The following PLEKHA6 variants were observed in gnomAD, a reference collection of about 807,000 sequenced individuals.
PLEKHA6 encodes pleckstrin homology domain containing A6, also known as pleckstrin homology domain-containing family A member 6.
A neutral mutation model predicts 116.7 loss-of-function variants in PLEKHA6; 60 were observed. The observed-to-expected ratio is 0.51, with a 90% CI of 0.42 to 0.64. The LOEUF is 0.64. Among genes scored for constraint, PLEKHA6 ranks in the 30% least tolerant of loss-of-function variants. The pLI, the probability that PLEKHA6 is intolerant of heterozygous loss-of-function variation, is 0.00. For synonymous variants in PLEKHA6, 489 were observed against 556.1 expected (o/e 0.88, Z 1.70); for missense variants, 1,338 against 1,422.7 (o/e 0.94, Z 0.96).
intron 1 of PLEKHA6, among the ~76,000 whole-genome samples, chr1:204,377,046 G>A (rs1000205903): frequency 2.0e-5 from 3 of 152,170 alleles, no homozygotes; most frequent in South Asian, 2.1e-4. Flanking sequence ...AGTGGGCATC[G>A]TCCCCCTCCC....
At chr1:204,272,145 A>T (rs1471328440) in intron 3 of PLEKHA6, among the ~76,000 whole-genome samples, 2 of 151,970 alleles carry the variant, frequency 1.3e-5, no homozygotes, top group Non-Finnish European at 2.9e-5. Flanking sequence ...CTCTCAGGAG[A>T]AAACCCTGCC....
intron 1 of PLEKHA6, chr1:204,280,860 T>C (rs1668520780): frequency 4.8e-6 from 1 of 207,000 alleles, no homozygotes; most frequent in African/African-American, 2.3e-5. Flanking sequence ...TGCACCTGAT[T>C]CCTGAAGCTC....
chr1:204,228,826 C>T lies in PLEKHA6; in HGVS notation c.2787G>A (p.Arg929=). The T allele has an allele frequency of 6.2e-7, 1 of 1,614,012 alleles. No homozygotes were observed. The highest frequency in any genetic ancestry group is 8.5e-7 in the Non-Finnish European group (1 of 1,179,964). ...GAGTGTCAGGCTCCAGGTCAATGTA[C>T]CGTTCAGGGATGAGGACTTTGTCTG... The part of the protein sequence containing the change: ...STPDKVLIPE[R]YIDLEPDTPL... Residue 929 remains arginine (R), a synonymous_variant, in exon 20 of 23, where the codon CGG becomes CGA. Transcript: ENST00000272203. This position sits in a 1 kb window ranked among gnomAD's most constrained non-coding sequence, Gnocchi z 4.0.
intron 15 of PLEKHA6, 81 bp from the exon 16 acceptor site, chr1:204,241,895 T>C: frequency 6.8e-7 from 1 of 1,473,416 alleles, no homozygotes; most frequent in Non-Finnish European, 9.5e-7. Flanking sequence ...CTTTGTTTTT[T>C]AATGGTTGAA....
At chr1:204,375,624 A>G (rs1313327957) in intron 1 of PLEKHA6, among the ~76,000 whole-genome samples, 1 of 151,964 alleles carries the variant, frequency 6.6e-6, no homozygotes, top group East Asian at 1.9e-4. Context: ...TCAGCCTCAA[A>G]TCATCGCTCA....
chr1:204,278,120 A>C (rs566184693), intron 1 of PLEKHA6, among the ~76,000 whole-genome samples: 4 of 152,272 alleles, frequency 2.6e-5, no homozygotes, highest in African/African-American at 9.6e-5. Context: ...TCAGCGGCTA[A>C]AGATGGTCAG....
chr1:204,271,805 C>T (rs2102884902), intron 3 of PLEKHA6, among the ~76,000 whole-genome samples: 2 of 152,316 alleles, frequency 1.3e-5, no homozygotes, highest in South Asian at 4.1e-4. Flanking sequence ...GAATCATCTG[C>T]CCCAGATGAT....
chr1:204,234,120 C>T (rs1558029208), intron 17 of PLEKHA6, among the ~76,000 whole-genome samples: 1 of 152,080 alleles, frequency 6.6e-6, no homozygotes, highest in African/African-American at 2.4e-5. Context: ...TGAGATAATC[C>T]TGGATGAGGA....
chr1:204,291,151 A>G (rs367552213), intron 1 of PLEKHA6, among the ~76,000 whole-genome samples: 25 of 152,322 alleles, frequency 1.6e-4, no homozygotes, highest in Middle Eastern at 6.8e-3. Context: ...AGTTATACAC[A>G]TGTCAAATAA....
chr1:204,224,680 A>G (rs1274452052), intron 21 of PLEKHA6, among the ~76,000 whole-genome samples: 3 of 152,258 alleles, frequency 2.0e-5, no homozygotes, highest in South Asian at 4.1e-4. Flanking sequence ...TGGCAAGTCC[A>G]TATCATTACA....
At chr1:204,283,908 C>T (rs1207765393) in intron 1 of PLEKHA6, among the ~76,000 whole-genome samples, 2 of 152,172 alleles carry the variant, frequency 1.3e-5, no homozygotes, top group Non-Finnish European at 2.9e-5. Flanking sequence ...GTGCCCCTGC[C>T]CAGCACCTCA....
At chr1:204,375,795 T>C (rs1409868036) in intron 1 of PLEKHA6, among the ~76,000 whole-genome samples, 1 of 151,690 alleles carries the variant, frequency 6.6e-6, no homozygotes, top group Non-Finnish European at 1.5e-5. Flanking sequence ...TTTCTCCTGG[T>C]CCTCTACAGT....
intron 3 of PLEKHA6, among the ~76,000 whole-genome samples, chr1:204,269,063 C>A (rs1571990928): frequency 6.6e-6 from 1 of 152,084 alleles, no homozygotes; most frequent in South Asian, 2.1e-4. Flanking sequence ...TCCAGCGATG[C>A]TCCCAGGGCT....
At chr1:204,328,151 C>T (rs1429078817) in intron 1 of PLEKHA6, among the ~76,000 whole-genome samples, 6 of 151,684 alleles carry the variant, frequency 4.0e-5, no homozygotes, top group African/African-American at 9.7e-5. Flanking sequence ...GGCGTGATCT[C>T]GGCTCACCAC....
At chr1:204,296,145 G>C (rs1670256720) in intron 1 of PLEKHA6, among the ~76,000 whole-genome samples, 1 of 152,100 alleles carries the variant, frequency 6.6e-6, no homozygotes, top group African/African-American at 2.4e-5. Flanking sequence ...TCCTCATTAA[G>C]GAAAAGACTA....
chr1:204,267,806 G>C (rs531651404), intron 4 of PLEKHA6, among the ~76,000 whole-genome samples: 2 of 152,310 alleles, frequency 1.3e-5, no homozygotes, highest in East Asian at 3.9e-4. Context: ...GGCAGAATGA[G>C]TGAGTGGAAG....
At chr1:204,366,396 AAGG>A (rs1572234957) in intron 3 of PLEKHA6, among the ~76,000 whole-genome samples, 1 of 152,056 alleles carries the variant, frequency 6.6e-6, no homozygotes, top group South Asian at 2.1e-4. Context: ...GGAGGAGGAG[AAGG>A]AGGAGGAACA....
At chr1:204,366,387 G>A (rs1465392087) in intron 3 of PLEKHA6, among the ~76,000 whole-genome samples, 1 of 151,988 alleles carries the variant, frequency 6.6e-6, no homozygotes, top group East Asian at 1.9e-4. Context: ...GGAGAAAGAG[G>A]AGGAGGAGAA....
chr1:204,287,182 G>T (rs1375339455), intron 1 of PLEKHA6, among the ~76,000 whole-genome samples: 2 of 152,012 alleles, frequency 1.3e-5, no homozygotes, highest in East Asian at 3.9e-4. Flanking sequence ...GCTCCTAGCT[G>T]GGGGCGGGAG....
Sources: allele counts gnomAD v4.1 joint callset (sites outside exome capture counted in the v4.1 genomes callset), GRCh38; gene constraint gnomAD v4.1.1; non-coding constraint Gnocchi (gnomAD v3.1); transcripts MANE v1.5; gene names NCBI Gene and HGNC (gene_info 2026-07-23, HGNC 2026-07-21).